EXOC4: variants seen among roughly 807,000 people sequenced by gnomAD.
EXOC4 encodes exocyst complex component 4.
A neutral mutation model predicts 107.2 loss-of-function variants in EXOC4; 71 were observed. The observed-to-expected ratio is 0.66, with a 90% CI of 0.55 to 0.81. The LOEUF (loss-of-function observed/expected upper bound fraction) is 0.81, where lower values mean the gene tolerates loss of function less well. Ranked by LOEUF, EXOC4 falls within the 30% of genes least tolerant of loss-of-function variation. EXOC4 has a pLI of 0.00. For missense variants in EXOC4, 1,108 were observed against 1,189.6 expected, an observed-to-expected ratio of 0.93 and a Z score of 1.01; for synonymous variants, 456 against 441.2, an observed-to-expected ratio of 1.03 and a Z score of -0.42.
intron 9 of EXOC4, among the ~76,000 whole-genome samples, chr7:133,603,413 C>T (rs997645962): frequency 5.3e-5 from 8 of 152,172 alleles, no homozygotes; most frequent in African/African-American, 1.7e-4. Flanking sequence ...AGAAATGCAT[C>T]ATTAGGTGAT....
In EXOC4 at chr7:133,800,372, T is replaced by G. The variant is rs543586453; in HGVS notation, c.1515-16953T>G. ...CCTTCTGTGTTTTTATGATATCGTC[T>G]TCTTCTAGAGAATTAGTTGACCAAA... On this transcript the variant is annotated intron_variant, in intron 10 of 17. Coordinates refer to ENST00000253861, the MANE Select transcript of EXOC4 (RefSeq NM_021807.4). Among the ~76,000 whole-genome samples the G allele has an allele frequency of 3.3e-5, 5 of 152,318 alleles. No individual in the cohort carries two copies. The South Asian group carries it at 6.2e-4, about 19-fold the overall frequency.
intron 9 of EXOC4, among the ~76,000 whole-genome samples, chr7:133,509,536 T>C (rs1245075530): frequency 7.2e-6 from 1 of 138,570 alleles, no homozygotes; most frequent in Non-Finnish European, 1.5e-5. Context: ...CCTCTTCCTC[T>C]CTCCCTGGCA....
intron 9 of EXOC4, among the ~76,000 whole-genome samples, chr7:133,568,590 A>C (rs987494366): frequency 6.6e-6 from 1 of 152,174 alleles, no homozygotes; most frequent in Non-Finnish European, 1.5e-5. Context: ...TGACTTCACT[A>C]TTTCAACCAG....
At chr7:133,502,167 TAAA>T (rs977106611) in intron 9 of EXOC4, among the ~76,000 whole-genome samples, 2 of 150,462 alleles carry the variant, frequency 1.3e-5, no homozygotes, top group African/African-American at 4.9e-5. Context: ...AAATTATATG[TAAA>T]AAAAAAGAAA....
At chr7:133,564,478 C>T (rs1800869420) in intron 9 of EXOC4, among the ~76,000 whole-genome samples, 1 of 152,122 alleles carries the variant, frequency 6.6e-6, no homozygotes, top group Admixed American at 6.5e-5. Context: ...CAGATCCAAA[C>T]CATATCACAG....
chr7:133,868,219 G>T (rs1022142313), intron 11 of EXOC4, among the ~76,000 whole-genome samples: 1 of 152,056 alleles, frequency 6.6e-6, no homozygotes, highest in Non-Finnish European at 1.5e-5. Flanking sequence ...CCATTTATTT[G>T]CAAAACCTCC....
intron 17 of EXOC4, among the ~76,000 whole-genome samples, chr7:134,045,245 G>T (rs1035024553): frequency 2.0e-5 from 3 of 152,022 alleles, no homozygotes; most frequent in Non-Finnish European, 4.4e-5. Flanking sequence ...TATATTTCTC[G>T]TAAGGGTTAC....
chr7:133,652,137 A>G (rs1339146272), intron 10 of EXOC4, among the ~76,000 whole-genome samples: 5 of 152,242 alleles, frequency 3.3e-5, no homozygotes, highest in Admixed American at 6.5e-5. Context: ...CTGACAGTAA[A>G]TATTTTCCAT....
At chr7:133,495,037 C>A (rs1434130824) in intron 9 of EXOC4, among the ~76,000 whole-genome samples, 2 of 151,954 alleles carry the variant, frequency 1.3e-5, no homozygotes, top group Non-Finnish European at 2.9e-5. Context: ...AGTGGGAGGC[C>A]GAGCTGGGCA....
chr7:133,750,225 G>A (rs867790113), intron 10 of EXOC4, among the ~76,000 whole-genome samples: 27 of 152,072 alleles, frequency 1.8e-4, no homozygotes, highest in African/African-American at 5.8e-4. Context: ...TCTGGATTCT[G>A]TGTGTCCTTA....
intron 7 of EXOC4, among the ~76,000 whole-genome samples, chr7:133,436,567 A>C (rs559771212): frequency 2.0e-5 from 3 of 151,766 alleles, no homozygotes; most frequent in Non-Finnish European, 4.4e-5. Flanking sequence ...ATACTTCTTT[A>C]CTAAAGCCTA....
chr7:134,088,825 A>G, the EXOC4 span, among the ~76,000 whole-genome samples: 2 of 152,206 alleles, frequency 1.3e-5, no homozygotes, highest in Non-Finnish European at 2.9e-5. Context: ...CAGTGATTTT[A>G]TGTAACAATT....
intron 14 of EXOC4, among the ~76,000 whole-genome samples, chr7:133,963,364 C>A (rs1006649979): frequency 6.6e-6 from 1 of 152,214 alleles, no homozygotes; most frequent in African/African-American, 2.4e-5. Flanking sequence ...TACACATCAG[C>A]CTCGCATAAG....
At chr7:133,748,200 T>G (rs939445530) in intron 10 of EXOC4, among the ~76,000 whole-genome samples, 1 of 152,210 alleles carries the variant, frequency 6.6e-6, no homozygotes, top group Non-Finnish European at 1.5e-5. Flanking sequence ...TGACCTGTCA[T>G]CTTTCTACCT....
Position 133,823,895 on chromosome 7 carries a change from T to TATA in EXOC4, c.1734+6351_1734+6352insATA, listed in dbSNP as rs1329511518. 1.1e-3 allele frequency among the ~76,000 whole-genome samples: 19 copies of TATA among 17,864 alleles called. No individual in the cohort carries two copies. In the African/African-American group the frequency reaches 0.013, roughly 13 times the overall value. The allele number at this position is 17,864 out of a possible 152,430, so 11.7% of individuals were successfully genotyped here. ...TATTATATATATATATATATATATTTTATATATATATATATAAATATATAT... is the reference window on the plus strand; with the variant it reads ...TATTATATATATATATATATATATTTATATATATATATATATATAAATATATAT... On this transcript the variant is annotated intron_variant, in intron 11 of 17. Transcript: ENST00000253861.
At chr7:134,071,765 G>C in the EXOC4 span, among the ~76,000 whole-genome samples, 4 of 152,098 alleles carry the variant, frequency 2.6e-5, no homozygotes, top group Non-Finnish European at 5.9e-5. Context: ...TTTGCTTGGG[G>C]GTTAGAAGCA....
intron 11 of EXOC4, among the ~76,000 whole-genome samples, chr7:133,847,977 G>A (rs1023737592): frequency 1.2e-4 from 16 of 136,806 alleles, no homozygotes; most frequent in South Asian, 4.8e-4. Flanking sequence ...TGATCTACCC[G>A]CCTCGGCCTC....
At chr7:133,827,333 A>C (rs777580365) in intron 11 of EXOC4, among the ~76,000 whole-genome samples, 3 of 152,194 alleles carry the variant, frequency 2.0e-5, no homozygotes, top group Non-Finnish European at 4.4e-5. Flanking sequence ...AAATATCATT[A>C]ACTTATTGTC....
At chr7:133,484,707 A>T (rs967759934) in intron 9 of EXOC4, among the ~76,000 whole-genome samples, 1 of 152,112 alleles carries the variant, frequency 6.6e-6, no homozygotes, top group Non-Finnish European at 1.5e-5. Flanking sequence ...TTAAATATTA[A>T]ATTATTAGTA....
Sources: allele counts gnomAD v4.1 joint callset (sites outside exome capture counted in the v4.1 genomes callset), GRCh38; gene constraint gnomAD v4.1.1; transcripts MANE v1.5; gene names NCBI Gene and HGNC (gene_info 2026-07-23, HGNC 2026-07-21).